The following ACOT7 variants were observed in gnomAD, a reference collection of about 807,000 sequenced individuals.
ACOT7 encodes cytosolic acyl coenzyme A thioester hydrolase.
Under a neutral mutation model 40.2 loss-of-function variants are expected in ACOT7, and 12 were observed. That is an observed-to-expected ratio of 0.30 (90% CI 0.19 to 0.48). The LOEUF is 0.48. Among genes scored for constraint, ACOT7 ranks in the 20% least tolerant of loss-of-function variants. The pLI, the probability that ACOT7 is intolerant of heterozygous loss-of-function variation, is 0.99. For missense variants in ACOT7, 395 were observed against 530.8 expected, an observed-to-expected ratio of 0.74 and a Z score of 2.51; for synonymous variants, 228 against 219.5, an observed-to-expected ratio of 1.04 and a Z score of -0.34.
intron 1 of ACOT7, 97 bp from the exon 2 acceptor site, chr1:6,349,963 A>T: frequency 8.4e-7 from 1 of 1,191,154 alleles, no homozygotes; most frequent in East Asian, 2.4e-5. Flanking sequence ...AAAGGGCTCA[A>T]TGGCTCCCGG....
At chr1:6,337,538 G>A (rs1641138965) in intron 3 of ACOT7, among the ~76,000 whole-genome samples, 1 of 152,196 alleles carries the variant, frequency 6.6e-6, no homozygotes, top group African/African-American at 2.4e-5. Flanking sequence ...GCCAGGAAAG[G>A]GAAGTTCAGG....
Position 6,275,027 on chromosome 1 carries a change from G to A in ACOT7, c.1014+6075C>T, listed in dbSNP as rs1168398361. The stretch of plus-strand genomic sequence containing the variant: ...GCCTGCTGGCCGTGCGACCCCTGGC[G>A]AGTGACTCCCTGCCTGGTGCCCGCC... On this transcript the variant is annotated intron_variant, in intron 8 of 8. Transcript: ENST00000361521. The surrounding 1 kb of genome is among the most constrained non-coding windows in gnomAD (Gnocchi z 5.6). Among the ~76,000 whole-genome samples the A allele has an allele frequency of 6.6e-6, 1 of 152,202 alleles. No individual in the cohort carries two copies. Among genetic ancestry groups the A allele is most frequent in the East Asian group, 1.9e-4 (1 of 5,186 alleles).
chr1:6,265,259 C>T lies in ACOT7; in HGVS notation c.1015-564G>A, dbSNP rs12059924. ...GCACACGGTCACTGCCCCAGAGAGA[C>T]GTGGGGAAAGCCAGCTGCACACGGT... On this transcript the variant is annotated intron_variant, in intron 8 of 8. Coordinates refer to ENST00000361521, the MANE Select transcript of ACOT7 (RefSeq NM_007274.4). Among the ~76,000 whole-genome samples, 246 of 135,726 alleles carry T rather than the reference C, an allele frequency of 1.8e-3. 2 individuals carry two copies. The South Asian group carries it at 0.031, about 17-fold the overall frequency. 89.0% of individuals were successfully genotyped at this position (135,726 alleles called of 152,430 possible). A position where few individuals can be genotyped will look rare whatever the true frequency, so the allele number is the denominator to read the frequency against.
chr1:6,391,055 A>G (rs1178450303), intron 1 of ACOT7, among the ~76,000 whole-genome samples: 3 of 149,336 alleles, frequency 2.0e-5, no homozygotes, highest in Admixed American at 1.3e-4. Context: ...CAGCACTTTG[A>G]GAGGCTGAGG....
chr1:6,366,590 T>TAAA (rs571854842), intron 1 of ACOT7, among the ~76,000 whole-genome samples: 3 of 90,838 alleles, frequency 3.3e-5, no homozygotes, highest in African/African-American at 1.1e-4. Flanking sequence ...CTATCTCAAA[T>TAAA]AAAAAAAAAA....
At chr1:6,297,793 G>A (rs369802432) in intron 6 of ACOT7, among the ~76,000 whole-genome samples, 1 of 152,176 alleles carries the variant, frequency 6.6e-6, no homozygotes. Context: ...TCGAAATACC[G>A]CAGTGGGAAA....
intron 7 of ACOT7, among the ~76,000 whole-genome samples, chr1:6,284,422 C>G (rs1000276637): frequency 2.0e-5 from 3 of 151,684 alleles, no homozygotes; most frequent in Non-Finnish European, 4.4e-5. Flanking sequence ...ATTAAAAATA[C>G]AAAATTAGCC....
chr1:6,323,737 AATATATATATATATATAT>A lies in ACOT7; in HGVS notation c.625+3544_625+3561del, dbSNP rs57302929. ...GTCTCAAAAAAAAAAAAAAAAAAAA[AATATATATATATATATAT>A]ATATATATATATATAGACAAATTAT... On this transcript the variant is annotated intron_variant, in intron 5 of 8. Transcript: ENST00000361521. Among the ~76,000 whole-genome samples, 56 of 38,414 alleles carry A rather than the reference AATATATATATATATATAT, an allele frequency of 1.5e-3. 1 individual carries two copies. The highest frequency in any genetic ancestry group is 4.1e-3 in the African/African-American group (49 of 11,844). 25.2% of individuals were successfully genotyped at this position (38,414 alleles called of 152,430 possible).
rs924502527 is a variant in ACOT7 at position 6,278,797 on chromosome 1, G to T, written c.1014+2305C>A. Among the ~76,000 whole-genome samples, 11 of 152,192 alleles carry T rather than the reference G, an allele frequency of 7.2e-5. No individual in the cohort carries two copies. Among genetic ancestry groups the T allele is most frequent in the Admixed American group, 1.3e-4 (2 of 15,284 alleles). On this transcript the variant is annotated intron_variant, in intron 8 of 8. Coordinates refer to ENST00000361521, the MANE Select transcript of ACOT7 (RefSeq NM_007274.4). This position sits in a 1 kb window ranked among gnomAD's most constrained non-coding sequence, Gnocchi z 4.1. The stretch of plus-strand genomic sequence containing the variant: ...TGGAGTATCCCTACAGACACTACAG[G>T]GTCCCCCATCCAGGGAGCGCAGGCT...
rs190763332 is a variant in ACOT7, at chr1:6,357,990, C to T, written c.144-8124G>A. Among the ~76,000 whole-genome samples, 5 of 152,030 alleles carry T rather than the reference C, an allele frequency of 3.3e-5. No individual in the cohort carries two copies. In the South Asian group the frequency reaches 1.0e-3, roughly 32 times the overall value. ...CAAGTGATTCTCCTACCTCAGCCTC[C>T]CAAGTAGCTGGGATTACAGGTGCGT... On this transcript the variant is annotated intron_variant, in intron 1 of 8. Transcript: ENST00000361521.
intron 5 of ACOT7, among the ~76,000 whole-genome samples, chr1:6,318,783 A>G (rs1010514907): frequency 1.2e-4 from 19 of 152,128 alleles, no homozygotes; most frequent in African/African-American, 4.6e-4. Flanking sequence ...TTCATGACCC[A>G]TTCTGTTAGT....
intron 2 of ACOT7, among the ~76,000 whole-genome samples, chr1:6,347,732 A>G (rs1221559928): frequency 2.0e-5 from 3 of 151,258 alleles, no homozygotes; most frequent in African/African-American, 7.3e-5. Context: ...GCACCATTGT[A>G]CTCTAGCCTG....
rs972147396 is a variant in ACOT7, at chr1:6,289,218, G to GC, written c.829+5645dup. Reference sequence around the variant, plus strand: ...AGGTTCAAGCGATTCTCCTACCTCAGCCCCCCGAGTAGCTGGGATTACAGG... The same window carrying GC: ...AGGTTCAAGCGATTCTCCTACCTCAGCCCCCCCGAGTAGCTGGGATTACAGG... On this transcript the variant is annotated intron_variant, in intron 7 of 8. Transcript: ENST00000361521. The surrounding 1 kb of genome is among the most constrained non-coding windows in gnomAD (Gnocchi z 4.6). Among the ~76,000 whole-genome samples, 33 of 152,030 alleles carry GC rather than the reference G, an allele frequency of 2.2e-4. No homozygotes were observed. The highest frequency in any genetic ancestry group is 6.3e-4 in the African/African-American group (26 of 41,360).
intron 8 of ACOT7, among the ~76,000 whole-genome samples, chr1:6,269,733 G>GTGGGAGCC (rs1638970251): frequency 6.6e-6 from 1 of 152,268 alleles, no homozygotes; most frequent in Admixed American, 6.5e-5. Flanking sequence ...GGATGGATGT[G>GTGGGAGCC]TGGGAGCCTG....
intron 4 of ACOT7, among the ~76,000 whole-genome samples, chr1:6,328,863 C>CG (rs895844723): frequency 2.7e-5 from 4 of 149,268 alleles, no homozygotes; most frequent in African/African-American, 5.0e-5. Context: ...GAGGGGCCCT[C>CG]GGGGCCTGTG....
chr1:6,278,517 C>G lies in ACOT7; in HGVS notation c.1014+2585G>C, dbSNP rs1007275962. On this transcript the variant is annotated intron_variant, in intron 8 of 8. Transcript: ENST00000361521. This position sits in a 1 kb window ranked among gnomAD's most constrained non-coding sequence, Gnocchi z 4.1. ...AGGAGCCAGCTGGGTTCCCAGACTT[C>G]CAGAGCAGCACAGAGGCGGAGAGGG... Among the ~76,000 whole-genome samples the G allele has an allele frequency of 2.0e-5, 3 of 152,102 alleles. No individual in the cohort carries two copies. Among genetic ancestry groups the G allele is most frequent in the African/African-American group, 7.2e-5 (3 of 41,416 alleles).
chr1:6,379,965 T>C (rs1010318084), intron 1 of ACOT7, among the ~76,000 whole-genome samples: 2 of 151,468 alleles, frequency 1.3e-5, no homozygotes, highest in African/African-American at 2.4e-5. Flanking sequence ...CCTTGGGAAG[T>C]TGAGGCAGGG....
At chr1:6,356,933 GGAC>G (rs1408225428) in intron 1 of ACOT7, among the ~76,000 whole-genome samples, 1 of 141,890 alleles carries the variant, frequency 7.0e-6, no homozygotes, top group Non-Finnish European at 1.5e-5. Flanking sequence ...AAAAAAAAAA[GGAC>G]GACGACGACT....
intron 5 of ACOT7, among the ~76,000 whole-genome samples, chr1:6,319,054 T>C (rs1640570160): frequency 6.6e-6 from 1 of 152,128 alleles, no homozygotes; most frequent in Non-Finnish European, 1.5e-5. Flanking sequence ...CACTGCTCTA[T>C]CACCTCACTC....
Sources: allele counts gnomAD v4.1 joint callset (sites outside exome capture counted in the v4.1 genomes callset), GRCh38; gene constraint gnomAD v4.1.1; non-coding constraint Gnocchi (gnomAD v3.1); transcripts MANE v1.5; gene names NCBI Gene and HGNC (gene_info 2026-07-23, HGNC 2026-07-21).